RBFOX1: variants seen among roughly 807,000 people sequenced by gnomAD.
RBFOX1 encodes the protein RNA binding protein fox-1 homolog 1.
In RBFOX1, 8 loss-of-function variants were observed where a neutral mutation model predicts 57.7. The observed-to-expected ratio is 0.14, with a 90% CI of 0.08 to 0.25. RBFOX1 has a LOEUF of 0.25. RBFOX1 is among the 10% of genes least tolerant of loss of function. The pLI is 1.00. For missense variants in RBFOX1, 611 were observed against 548.5 expected (o/e 1.11, Z -1.14); for synonymous variants, 326 against 222.4 (o/e 1.47, Z -4.15).
chr16:6,575,602 A>C (rs1366147431), intron 2 of RBFOX1, among the ~76,000 whole-genome samples: 1 of 152,148 alleles, frequency 6.6e-6, no homozygotes, highest in Non-Finnish European at 1.5e-5. Flanking sequence ...TCATGCCTGT[A>C]ATCCCAGCAC....
At chr16:5,498,763 T>A (rs1043613929) in intron 2 of RBFOX1, among the ~76,000 whole-genome samples, 2 of 152,252 alleles carry the variant, frequency 1.3e-5, no homozygotes, top group Non-Finnish European at 2.9e-5. Context: ...CTGTACATTA[T>A]CTGGCAATTA....
At chr16:6,147,784 G>A (rs1036502022) in intron 1 of RBFOX1, among the ~76,000 whole-genome samples, 4 of 152,178 alleles carry the variant, frequency 2.6e-5, no homozygotes, top group African/African-American at 9.7e-5. Flanking sequence ...CCACTCAGTT[G>A]CTGAAATTAA....
chr16:6,021,909 A>G (rs12444143), intron 1 of RBFOX1, among the ~76,000 whole-genome samples: 73,964 of 152,104 alleles, frequency 0.49, 20,435 homozygotes, highest in Non-Finnish European at 0.62. Context: ...CCTGAATTCT[A>G]TGAGTTTTGT....
chr16:5,989,087 G>A (rs1290823119), intron 4 of RBFOX1, among the ~76,000 whole-genome samples: 4 of 151,816 alleles, frequency 2.6e-5, no homozygotes, highest in East Asian at 1.9e-4. Flanking sequence ...TTGGGAGGCC[G>A]AGGCGGGTGG....
rs114502859 is a variant in RBFOX1, at chr16:6,830,969, G to A, written c.-16+176319G>A. 1.9e-3 allele frequency among the ~76,000 whole-genome samples: 285 copies of A among 152,294 alleles called. 2 individuals are homozygous for A. The highest frequency in any genetic ancestry group is 6.5e-3 in the African/African-American group (269 of 41,560). ...TGGATATTTTATTTAATTGCGATAT[G>A]TAAAGTTCTCCAAATGTGGATGCCA... On this transcript the variant is annotated intron_variant, in intron 3 of 15. Transcript: ENST00000550418.
chr16:5,829,868 A>C (rs1002925602), intron 3 of RBFOX1, among the ~76,000 whole-genome samples: 1 of 152,134 alleles, frequency 6.6e-6, no homozygotes. Flanking sequence ...AAACAAAAAC[A>C]GGGGGGAAGA....
chr16:7,303,915 C>G (rs1387127182), intron 4 of RBFOX1, among the ~76,000 whole-genome samples: 1 of 151,858 alleles, frequency 6.6e-6, no homozygotes, highest in East Asian at 1.9e-4. Flanking sequence ...CAGCGCATCC[C>G]CTGCCCCTTC....
intron 2 of RBFOX1, among the ~76,000 whole-genome samples, chr16:5,496,362 T>C (rs867398667): frequency 2.0e-5 from 3 of 152,182 alleles, no homozygotes; most frequent in Admixed American, 6.5e-5. Flanking sequence ...TTAGCCCTCC[T>C]GTACCATAAT....
intron 1 of RBFOX1, among the ~76,000 whole-genome samples, chr16:5,359,042 G>A (rs1480529385): frequency 6.6e-6 from 1 of 152,118 alleles, no homozygotes; most frequent in East Asian, 1.9e-4. Flanking sequence ...TTATATCCCA[G>A]AAATTAGTGA....
chr16:7,698,828 T>C (rs2079658895), intron 14 of RBFOX1, among the ~76,000 whole-genome samples: 1 of 152,212 alleles, frequency 6.6e-6, no homozygotes, highest in Non-Finnish European at 1.5e-5. Context: ...ACCTTCTGTA[T>C]ATGAGGCATA....
intron 3 of RBFOX1, among the ~76,000 whole-genome samples, chr16:7,010,399 G>A (rs1046812831): frequency 6.6e-6 from 1 of 152,102 alleles, no homozygotes; most frequent in Admixed American, 6.6e-5. Context: ...GTGAGATCTT[G>A]GTGATTATTA....
chr16:6,603,135 T>C (rs1436145966), intron 2 of RBFOX1, among the ~76,000 whole-genome samples: 2 of 152,218 alleles, frequency 1.3e-5, no homozygotes, highest in Admixed American at 6.5e-5. Context: ...TGAATTGTTC[T>C]TTACAGATCT....
chr16:5,600,290 C>T (rs975180592), downstream of RBFOX1: 3 of 150,426 alleles, frequency 2.0e-5, no homozygotes, highest in African/African-American at 7.4e-5. Flanking sequence ...GAGAGCGAGA[C>T]TCCGTCTCAA....
At chr16:7,237,674 G>A (rs574927238) in intron 4 of RBFOX1, among the ~76,000 whole-genome samples, 3 of 152,286 alleles carry the variant, frequency 2.0e-5, no homozygotes, top group East Asian at 3.9e-4. Flanking sequence ...TAAACAAAAC[G>A]TGGTGTATAC....
intron 1 of RBFOX1, among the ~76,000 whole-genome samples, chr16:6,063,715 C>A (rs545647912): frequency 1.3e-5 from 2 of 152,244 alleles, no homozygotes; most frequent in Admixed American, 1.3e-4. Context: ...GTCACCAGGG[C>A]AACCAGGAGC....
chr16:7,203,937 C>A (rs1192238799), intron 4 of RBFOX1, among the ~76,000 whole-genome samples: 1 of 152,220 alleles, frequency 6.6e-6, no homozygotes. Flanking sequence ...ATATGATTTG[C>A]ATCTGCTTTA....
chr16:6,982,035 A>G (rs2089037988), intron 3 of RBFOX1, among the ~76,000 whole-genome samples: 1 of 152,178 alleles, frequency 6.6e-6, no homozygotes, highest in African/African-American at 2.4e-5. Context: ...TACCTTACAA[A>G]TTTATGTAAA....
intron 1 of RBFOX1, among the ~76,000 whole-genome samples, chr16:5,361,761 G>C (rs2065558558): frequency 6.6e-6 from 1 of 152,300 alleles, no homozygotes; most frequent in East Asian, 1.9e-4. Context: ...TCTTGCTCAG[G>C]CCACCCAGCT....
intron 2 of RBFOX1, among the ~76,000 whole-genome samples, chr16:6,396,065 CAAAAAAAA>C (rs1165644198): frequency 1.6e-5 from 1 of 61,472 alleles, no homozygotes; most frequent in Admixed American, 2.1e-4. Context: ...GACTCCTTCT[CAAAAAAAA>C]AAAAAAAAAA....
Sources: allele counts gnomAD v4.1 joint callset (sites outside exome capture counted in the v4.1 genomes callset), GRCh38; gene constraint gnomAD v4.1.1; transcripts MANE v1.5; gene names NCBI Gene and HGNC (gene_info 2026-07-23, HGNC 2026-07-21).